Variants in ITIH6 observed in about 807,000 individuals in gnomAD.
ITIH6 encodes the protein inter-alpha-trypsin inhibitor heavy chain H6.
A neutral mutation model predicts 58.2 loss-of-function variants in ITIH6; 60 were observed. That is an observed-to-expected ratio of 1.03 (90% CI 0.84 to 1.28). The LOEUF (loss-of-function observed/expected upper bound fraction) is 1.28, where lower values mean the gene tolerates loss of function less well. Among genes scored for constraint, ITIH6 ranks in the 50% most tolerant of loss-of-function variants. The pLI, the probability that ITIH6 is intolerant of heterozygous loss-of-function variation, is 0.00. For missense variants in ITIH6, 1,290 were observed against 1,021.1 expected, an observed-to-expected ratio of 1.26 and a Z score of -3.59; for synonymous variants, 493 against 417.4, an observed-to-expected ratio of 1.18 and a Z score of -2.21.
At chrX:54,754,010 A>G (rs1318920391) in intron 9 of ITIH6, 45 bp from the exon 10 acceptor site, 1 of 1,161,095 alleles carries the variant, frequency 8.6e-7, no homozygotes, top group South Asian at 1.8e-5. Context: ...CTAATGTATC[A>G]CATTCCTAGG....
At chrX:54,774,452 G>C (rs971843057) in intron 5 of ITIH6, among the ~76,000 whole-genome samples, 2 of 113,112 alleles carry the variant, frequency 1.8e-5, no homozygotes, top group East Asian at 2.8e-4. Context: ...TTGTAGCCCA[G>C]GACTCCAAGG....
chrX:54,759,843 C>G lies in ITIH6; in HGVS notation c.988G>C (p.Val330Leu). ...TGGATTGAGCCTCCAGCTTTCCAAA[C>G]ATTAACTGTGTCAGAAAAGGAGATG... ...NIISFSDTVNVWKAGGSIQAT... is the reference protein window; with the variant it reads ...NIISFSDTVNLWKAGGSIQAT... Residue 330 changes from valine to leucine, a missense_variant, in exon 7 of 13, where the codon GTT becomes CTT. Coordinates refer to ENST00000218436, the MANE Select transcript of ITIH6 (RefSeq NM_198510.3). 1 of 1,210,470 alleles carries G rather than the reference C, an allele frequency of 8.3e-7. No homozygotes were observed. Among genetic ancestry groups the G allele is most frequent in the Non-Finnish European group, 1.1e-6 (1 of 894,346 alleles).
intron 2 of ITIH6, among the ~76,000 whole-genome samples, chrX:54,796,724 T>C (rs766516973): frequency 9.1e-6 from 1 of 110,007 alleles, no homozygotes; most frequent in African/African-American, 3.3e-5. Context: ...GAAAGTGGGT[T>C]CTAATTTTAT....
intron 5 of ITIH6, among the ~76,000 whole-genome samples, chrX:54,784,771 G>C (rs775670226): frequency 1.1e-4 from 12 of 111,641 alleles, no homozygotes; most frequent in Non-Finnish European, 1.9e-4. Context: ...ACCATATGGA[G>C]AACAGTTTGG....
chrX:54,783,685 G>A (rs1390105460), intron 5 of ITIH6, among the ~76,000 whole-genome samples: 1 of 111,915 alleles, frequency 8.9e-6, no homozygotes, highest in Non-Finnish European at 1.9e-5. Context: ...GGAAATCAAA[G>A]AGGACACTAA....
chrX:54,780,895 T>C (rs750873305), intron 5 of ITIH6, among the ~76,000 whole-genome samples: 4 of 110,975 alleles, frequency 3.6e-5, no homozygotes, highest in African/African-American at 1.3e-4. Flanking sequence ...TGCCAATAAG[T>C]TAGAAAATCT....
chrX:54,773,557 T>C (rs1928994453), intron 6 of ITIH6, among the ~76,000 whole-genome samples: 1 of 111,409 alleles, frequency 9.0e-6, no homozygotes. Flanking sequence ...AGTCAAAGCC[T>C]GCTTGGTCTA....
chrX:54,774,204 C>CA lies in ITIH6; in HGVS notation c.787-8dup, dbSNP rs35679081. On this transcript the variant is annotated splice_region_variant and splice_polypyrimidine_tract_variant and intron_variant, in intron 5 of 12. Transcript: ENST00000218436. ...TGAAATAGTCATCGTAAATCTGGAC[C>CA]AAAAAAAAAAAAAAAAAAGTAGAAC... 14,962 of 580,579 alleles carry CA rather than the reference C, an allele frequency of 0.026. 360 individuals carry two copies. The highest frequency in any genetic ancestry group is 0.16 in the African/African-American group (5,416 of 33,623). The allele number at this position is 580,579 out of a possible 1,213,427, so 47.8% of individuals were successfully genotyped here.
At chrX:54,752,149 G>A (rs1210253829) in intron 11 of ITIH6, among the ~76,000 whole-genome samples, 1 of 111,421 alleles carries the variant, frequency 9.0e-6, no homozygotes, top group Non-Finnish European at 1.9e-5. Flanking sequence ...TCTTCAAAAA[G>A]TTCATGGAAA....
chrX:54,756,892 T>C, intron 8 of ITIH6, 73 bp downstream of exon 8: 1 of 649,850 alleles, frequency 1.5e-6, no homozygotes, highest in African/African-American at 2.2e-5. Context: ...ATAAGCCTTG[T>C]AGATTCCCAG....
In ITIH6 at chrX:54,757,352, T is replaced by G. The variant is rs143059237; in HGVS notation, c.2722A>C (p.Ile908Leu). The change falls in exon 8 of 13, where the codon ATC (isoleucine) becomes CTC (leucine). Residue 908 changes from isoleucine (I) to leucine (L), a missense_variant. By Grantham distance (5) the Ile-to-Leu change is conservative. Coordinates refer to ENST00000218436, the MANE Select transcript of ITIH6 (RefSeq NM_198510.3). ...PESLSTFPNT[I>L]SSSTGPSSTT... ...CTGCTGGGACCTGTGGAACTTGAGA[T>G]TGTATTTGGGAATGTGCTTAGGCTC... 2.0e-3 allele frequency: 2,405 copies of G among 1,202,208 alleles called. 5 individuals carry two copies. The highest frequency in any genetic ancestry group is 2.4e-3 in the Non-Finnish European group (2,169 of 891,170).
intron 6 of ITIH6, among the ~76,000 whole-genome samples, chrX:54,761,726 T>G (rs1204497411): frequency 2.7e-5 from 3 of 111,253 alleles, no homozygotes; most frequent in Non-Finnish European, 3.8e-5. Flanking sequence ...TTTGTCAGGT[T>G]TGTCAAAGAT....
rs774297626 is a variant in ITIH6 at position 54,762,794 on chromosome X, T to G, written c.904-2867A>C. Among the ~76,000 whole-genome samples the G allele has an allele frequency of 2.2e-3, 252 of 112,302 alleles. 1 individual carries two copies. The highest frequency in any genetic ancestry group is 4.7e-3 in the Middle Eastern group (1 of 215). The stretch of plus-strand genomic sequence containing the variant: ...TGCTGCTTCTTGTCTCCCTTCTCCA[T>G]GGCAATACTAGCATAGGGCTAGGCC... On this transcript the variant is annotated intron_variant, in intron 6 of 12. Transcript: ENST00000218436.
rs371723457 is a variant in ITIH6 at position 54,798,096 on chromosome X, T to C, written c.102+13A>G. On this transcript the variant is annotated intron_variant, in intron 1 of 12. Coordinates refer to ENST00000218436, the MANE Select transcript of ITIH6 (RefSeq NM_198510.3). ...CAAATCCCCAAGCTTTTTTCCCTCA[T>C]CCCAGAACTGACCTTTGTGCTTGAT... 40 of 1,125,068 alleles carry C rather than the reference T, an allele frequency of 3.6e-5. No homozygotes were observed. The African/African-American group carries it at 7.0e-4, about 20-fold the overall frequency. The allele number at this position is 1,125,068 out of a possible 1,213,427, so 92.7% of individuals were successfully genotyped here.
chrX:54,783,391 G>A (rs1929181894), intron 5 of ITIH6, among the ~76,000 whole-genome samples: 1 of 111,926 alleles, frequency 8.9e-6, no homozygotes, highest in Admixed American at 9.5e-5. Flanking sequence ...AAAGGAATAA[G>A]TCAAATTATC....
In ITIH6 at chrX:54,788,554, A is replaced by G; in HGVS notation, c.712T>C (p.Ser238Pro). 2 of 1,209,750 alleles carry G rather than the reference A, an allele frequency of 1.7e-6. No individual in the cohort carries two copies. The highest frequency in any genetic ancestry group is 2.2e-6 in the Non-Finnish European group (2 of 894,162). ...AAGTCAGCCATGATGCCTGACCCAGAGATGGACGACTGGTCTTGCAATGTC... is the reference window on the plus strand; with the variant it reads ...AAGTCAGCCATGATGCCTGACCCAGGGATGGACGACTGGTCTTGCAATGTC... Reference protein sequence around the residue: ...CPTLQDQSSISGSGIMADFLV... With the variant: ...CPTLQDQSSIPGSGIMADFLV... Residue 238 changes from serine (S) to proline (P), a missense_variant, in exon 5 of 13, where the codon TCT becomes CCT. Coordinates refer to ENST00000218436, the MANE Select transcript of ITIH6 (RefSeq NM_198510.3).
At position 54,767,916 on chromosome X, in the gene ITIH6, G is replaced by C. The variant is rs1416508345; in HGVS notation, c.903+6165C>G. Among the ~76,000 whole-genome samples, 5 of 80,852 alleles carry C rather than the reference G, an allele frequency of 6.2e-5. No homozygotes were observed. The East Asian group carries it at 2.0e-3, about 32-fold the overall frequency. 70.2% of individuals were successfully genotyped at this position (80,852 alleles called of 115,157 possible). On this transcript the variant is annotated intron_variant, in intron 6 of 12. Coordinates refer to ENST00000218436, the MANE Select transcript of ITIH6 (RefSeq NM_198510.3). ...TAGATGTCTATTAGGTCCGCTTGGT[G>C]CAGAGCTGAGTTCAATTCCTGGGTA...
intron 5 of ITIH6, among the ~76,000 whole-genome samples, chrX:54,784,125 G>A (rs1929200064): frequency 9.0e-6 from 1 of 111,607 alleles, no homozygotes; most frequent in Non-Finnish European, 1.9e-5. Context: ...GGGAAAACTG[G>A]ATATCCATAT....
rs759928169 is a variant in ITIH6 at position 54,758,317 on chromosome X, TG to T, written c.1756del (p.His586ThrfsTer20). The T allele has an allele frequency of 8.3e-7, 1 of 1,211,561 alleles. No individual in the cohort carries two copies. Among genetic ancestry groups the T allele is most frequent in the Non-Finnish European group, 1.1e-6 (1 of 895,371 alleles). On this transcript the variant is annotated frameshift_variant, in exon 8 of 13. Transcript: ENST00000218436. LOFTEE classifies it high-confidence loss of function. ...HFQARDTTTR[H>X]LLAAKVLNLS... ...GTTGAGGACTTTGGCAGCCAGCAGG[TG>T]GCGAGTGGTGGTGTCACGAGCTTGG... is the stretch of plus-strand genomic sequence containing the variant.
Sources: gnomAD v4.1 joint callset for allele counts (sites outside exome capture counted in the v4.1 genomes callset) on GRCh38, gnomAD v4.1.1 for gene constraint, MANE v1.5 for transcripts, NCBI Gene and HGNC (gene_info 2026-07-23, HGNC 2026-07-21) for gene names.